The following KSR1 variants were observed in gnomAD, a reference collection of about 807,000 sequenced individuals.
KSR1 encodes kinase suppressor of ras 1.
A neutral mutation model predicts 92.9 loss-of-function variants in KSR1; 35 were observed. The ratio of observed to expected loss-of-function variants is 0.38; its 90% CI spans 0.29 to 0.50. The LOEUF (loss-of-function observed/expected upper bound fraction) is 0.50. Ranked by LOEUF, KSR1 falls within the 20% of genes least tolerant of loss-of-function variation. KSR1 has a pLI of 0.94. For missense variants in KSR1, 972 were observed against 1,158.5 expected (o/e 0.84, Z 2.34); for synonymous variants, 467 against 472.6 (o/e 0.99, Z 0.15).
intron 1 of KSR1, among the ~76,000 whole-genome samples, chr17:27,543,147 G>A (rs181009803): frequency 6.6e-6 from 1 of 152,382 alleles, no homozygotes; most frequent in Admixed American, 6.5e-5. Flanking sequence ...GGAGCTCTCT[G>A]TCTAGACTGC....
At chr17:27,469,981 G>A (rs1179109157) in intron 1 of KSR1, among the ~76,000 whole-genome samples, 1 of 145,600 alleles carries the variant, frequency 6.9e-6, no homozygotes, top group East Asian at 2.0e-4. Flanking sequence ...GGATCAAAGA[G>A]CATGGAGATG....
Position 27,608,733 on chromosome 17 carries a change from C to T in KSR1, c.2092-463C>T, listed in dbSNP as rs1304219874. ...CATTAGGAGCACTCAAAGTTGGGGACCCCGCTGTGGGAATGCCTCTCTGTT... is the reference window on the plus strand; with the variant it reads ...CATTAGGAGCACTCAAAGTTGGGGATCCCGCTGTGGGAATGCCTCTCTGTT... On this transcript the variant is annotated intron_variant, in intron 15 of 20. Coordinates refer to ENST00000644974, the MANE Select transcript of KSR1 (RefSeq NM_001394583.1). 4.6e-5 allele frequency among the ~76,000 whole-genome samples: 7 copies of T among 152,152 alleles called. No individual in the cohort carries two copies. In the South Asian group the frequency reaches 6.2e-4, roughly 13 times the overall value.
chr17:27,466,763 C>G (rs1597824797), intron 1 of KSR1, among the ~76,000 whole-genome samples: 1 of 152,084 alleles, frequency 6.6e-6, no homozygotes, highest in Non-Finnish European at 1.5e-5. Flanking sequence ...AAAGGAGGAG[C>G]TCTTTCTGGC....
intron 2 of KSR1, among the ~76,000 whole-genome samples, chr17:27,571,503 C>G (rs949661672): frequency 2.0e-5 from 3 of 152,230 alleles, no homozygotes; most frequent in African/African-American, 7.2e-5. Flanking sequence ...GGGCTCTGGC[C>G]TCAGAGGGAT....
rs992660397 is a variant in KSR1 at position 27,559,223 on chromosome 17, G to A, written c.372+8515G>A. On this transcript the variant is annotated intron_variant, in intron 2 of 20. Transcript: ENST00000644974. This position sits in a 1 kb window ranked among gnomAD's most constrained non-coding sequence, Gnocchi z 4.2. ...CCTGGTGTGGCTGAGGTGGCCCTGC[G>A]TGGGTTTCTTTCTGTTCCCACCTGA... is the stretch of plus-strand genomic sequence containing the variant. Among the ~76,000 whole-genome samples the A allele has an allele frequency of 5.9e-5, 9 of 152,236 alleles. No individual in the cohort carries two copies. Among genetic ancestry groups the A allele is most frequent in the African/African-American group, 4.8e-5 (2 of 41,464 alleles).
At position 27,609,502 on chromosome 17, in the gene KSR1, G is replaced by A. The variant is rs530057786; in HGVS notation, c.2225+173G>A. On this transcript the variant is annotated intron_variant, in intron 16 of 20. Transcript: ENST00000644974. ...TGGTTCAGAATCAGATTTGGGTCGC[G>A]TTTGGATTCTCAGGCCGACTTCCAC... is the stretch of plus-strand genomic sequence containing the variant. Among the ~76,000 whole-genome samples the A allele has an allele frequency of 1.8e-4, 28 of 152,326 alleles. No individual in the cohort carries two copies. The South Asian group carries it at 4.6e-3, about 25-fold the overall frequency.
intron 10 of KSR1, among the ~76,000 whole-genome samples, chr17:27,597,823 A>G (rs891015514): frequency 6.6e-6 from 1 of 152,128 alleles, no homozygotes; most frequent in African/African-American, 2.4e-5. Context: ...CAACACAGGG[A>G]GCTAGAAGGC....
chr17:27,536,142 G>T (rs1339574131), intron 1 of KSR1, among the ~76,000 whole-genome samples: 1 of 152,214 alleles, frequency 6.6e-6, no homozygotes, highest in Non-Finnish European at 1.5e-5. Flanking sequence ...GTGAGAGACG[G>T]CTGGGCTGGG....
chr17:27,618,757 A>G (rs961667103), intron 19 of KSR1, among the ~76,000 whole-genome samples: 1 of 152,222 alleles, frequency 6.6e-6, no homozygotes, highest in Non-Finnish European at 1.5e-5. Context: ...GAATCGCTTC[A>G]TCTCACCCAG....
chr17:27,620,892 C>T, intron 19 of KSR1: 1 of 274,772 alleles, frequency 3.6e-6, no homozygotes, highest in Non-Finnish European at 6.7e-6. Context: ...GGGCTGTTCC[C>T]TGCCCAGCCC....
chr17:27,506,529 C>T (rs917491701), intron 1 of KSR1, among the ~76,000 whole-genome samples: 1 of 152,160 alleles, frequency 6.6e-6, no homozygotes, highest in Non-Finnish European at 1.5e-5. Flanking sequence ...TTGCACATTT[C>T]GGTGATTTCC....
intron 19 of KSR1, among the ~76,000 whole-genome samples, chr17:27,617,996 T>C (rs1229323207): frequency 6.6e-6 from 1 of 152,224 alleles, no homozygotes; most frequent in Non-Finnish European, 1.5e-5. Flanking sequence ...TCATCACTAT[T>C]AGCAGACCAG....
At chr17:27,575,048 T>C (rs938918593) in intron 2 of KSR1, among the ~76,000 whole-genome samples, 4 of 152,210 alleles carry the variant, frequency 2.6e-5, no homozygotes, top group African/African-American at 9.6e-5. Flanking sequence ...AGGTTTGGTA[T>C]TGTTGCTGGA....
At chr17:27,538,517 A>G (rs768834225) in intron 1 of KSR1, among the ~76,000 whole-genome samples, 4 of 152,226 alleles carry the variant, frequency 2.6e-5, no homozygotes, top group Non-Finnish European at 4.4e-5. Flanking sequence ...GGAAGCTGAA[A>G]GTGGGGACTG....
chr17:27,615,863 C>T (rs1346746385), intron 18 of KSR1, among the ~76,000 whole-genome samples: 2 of 152,182 alleles, frequency 1.3e-5, no homozygotes, highest in Non-Finnish European at 2.9e-5. Flanking sequence ...TTATTTCATC[C>T]TCATATCAGG....
rs2074222921 is a variant in KSR1, at chr17:27,621,506, A to G, written c.2708+233A>G. ...ATGTGGCGGGGCCTTTGTCCACACC[A>G]TGAGTGAATGGGTGGCTTGTCCCTG... On this transcript the variant is annotated intron_variant, in intron 20 of 20. Transcript: ENST00000644974. Among the ~76,000 whole-genome samples, 3 of 152,172 alleles carry G rather than the reference A, an allele frequency of 2.0e-5. No individual in the cohort carries two copies. In the South Asian group the frequency reaches 6.2e-4, roughly 32 times the overall value.
chr17:27,626,234 T>C lies in KSR1; in HGVS notation c.*2842T>C, dbSNP rs768307945. On this transcript the variant is annotated 3_prime_UTR_variant, in exon 21 of 21. Coordinates refer to ENST00000644974, the MANE Select transcript of KSR1 (RefSeq NM_001394583.1). The stretch of plus-strand genomic sequence containing the variant: ...AAGCCACACACTTGCTTTTTTTGAA[T>C]GTGATGTAAAATTTGTACAGTAAAG... 5 of 152,256 alleles carry C rather than the reference T, an allele frequency of 3.3e-5. No individual in the cohort carries two copies. Among genetic ancestry groups the C allele is most frequent in the Non-Finnish European group, 7.3e-5 (5 of 68,032 alleles). 9.4% of individuals were successfully genotyped at this position (152,256 alleles called of 1,614,324 possible).
intron 1 of KSR1, among the ~76,000 whole-genome samples, chr17:27,513,998 T>C (rs1429769294): frequency 2.0e-5 from 3 of 152,262 alleles, no homozygotes; most frequent in Non-Finnish European, 4.4e-5. Context: ...TCCAGGCCAC[T>C]GCTTGCGGTG....
Position 27,482,435 on chromosome 17 carries a change from G to C in KSR1, c.231+25561G>C, listed in dbSNP as rs563640231. Among the ~76,000 whole-genome samples, 14 of 152,254 alleles carry C rather than the reference G, an allele frequency of 9.2e-5. No homozygotes were observed. In the East Asian group the frequency reaches 1.5e-3, roughly 17 times the overall value. Reference sequence around the variant, plus strand: ...CAGGTGGGAACAACCCATTGTTTACGTTTATAAGATGCTAGCTCAATAAAG... The same window carrying C: ...CAGGTGGGAACAACCCATTGTTTACCTTTATAAGATGCTAGCTCAATAAAG... On this transcript the variant is annotated intron_variant, in intron 1 of 20. Coordinates refer to ENST00000644974, the MANE Select transcript of KSR1 (RefSeq NM_001394583.1).
Sources: allele counts gnomAD v4.1 joint callset (sites outside exome capture counted in the v4.1 genomes callset), GRCh38; gene constraint gnomAD v4.1.1; non-coding constraint Gnocchi (gnomAD v3.1); transcripts MANE v1.5; gene names NCBI Gene and HGNC (gene_info 2026-07-23, HGNC 2026-07-21).